The following ERBB4 variants were observed in gnomAD, a reference collection of about 807,000 sequenced individuals.
ERBB4 encodes the protein receptor tyrosine-protein kinase erbB-4.
Under a neutral mutation model 158.0 loss-of-function variants are expected in ERBB4, and 42 were observed. The ratio of observed to expected loss-of-function variants is 0.27; its 90% confidence interval spans 0.21 to 0.34. The LOEUF is 0.34. Among genes scored for constraint, ERBB4 ranks in the 10% least tolerant of loss-of-function variants. The probability of loss-of-function intolerance (pLI) is 1.00; values close to 1 mark genes in which losing one functional copy is unlikely to be tolerated. For synonymous variants in ERBB4, 583 were observed against 558.7 expected (o/e 1.04, Z -0.61); for missense variants, 1,333 against 1,624.1 (o/e 0.82, Z 3.08).
intron 2 of ERBB4, among the ~76,000 whole-genome samples, chr2:211,986,849 T>A (rs1283669734): frequency 6.6e-6 from 1 of 152,160 alleles, no homozygotes. Flanking sequence ...TGACTCTGGG[T>A]GAAGTAAAGT....
At chr2:211,881,425 G>A (rs1162970097) in intron 3 of ERBB4, among the ~76,000 whole-genome samples, 1 of 152,280 alleles carries the variant, frequency 6.6e-6, no homozygotes, top group South Asian at 2.1e-4. Flanking sequence ...AAGCTTGCAC[G>A]GGGGAATGCT....
At chr2:211,716,362 CAAAAAAAAAAAAAAAA>C (rs534486221) in intron 7 of ERBB4, among the ~76,000 whole-genome samples, 899 of 69,314 alleles carry the variant, frequency 0.013, 23 homozygotes, top group African/African-American at 0.072. Context: ...AACTCTGTCT[CAAAAAAAAAAAAAAAA>C]AAAAAAAAAA....
intron 19 of ERBB4, among the ~76,000 whole-genome samples, chr2:211,611,633 A>G (rs1442764653): frequency 2.0e-5 from 3 of 152,184 alleles, no homozygotes; most frequent in Non-Finnish European, 4.4e-5. Context: ...TATTTTTGCC[A>G]AAATCTGTGA....
At chr2:211,410,334 T>C (rs1048655272) in intron 25 of ERBB4, among the ~76,000 whole-genome samples, 2 of 152,184 alleles carry the variant, frequency 1.3e-5, no homozygotes, top group Admixed American at 6.5e-5. Context: ...AGTAAAATCA[T>C]TGTGATTTAC....
intron 1 of ERBB4, among the ~76,000 whole-genome samples, chr2:212,406,977 C>T (rs533487126): frequency 1.1e-4 from 17 of 152,098 alleles, no homozygotes; most frequent in Admixed American, 8.5e-4. Context: ...CTTTCTCCCT[C>T]ACCTCCCAAC....
At position 211,386,963 on chromosome 2, in the gene ERBB4, C is replaced by T. The variant is rs1356804335; in HGVS notation, c.3371G>A (p.Ser1124Asn). ...GGGGTCAGCACTGTACCTCTGGGTG[C>T]TACTGTCCTCTTGGACATGGGGTGC... ...PVAPHVQEDSSTQRYSADPTV... is the reference protein window; with the variant it reads ...PVAPHVQEDSNTQRYSADPTV... Residue 1124 changes from serine (S) to asparagine (N), a missense_variant, in exon 27 of 28, where the codon AGC becomes AAC. By Grantham distance (46) the Ser-to-Asn change is conservative. This residue lies in a region of ERBB4 where 252 missense variants were observed against 241.3 expected (regional missense o/e 1.04). Transcript: ENST00000342788. The T allele has an allele frequency of 6.2e-7, 1 of 1,614,076 alleles. No individual in the cohort carries two copies. The highest frequency in any genetic ancestry group is 8.5e-7 in the Non-Finnish European group (1 of 1,179,972).
At chr2:212,175,282 T>C (rs1324306964) in intron 1 of ERBB4, among the ~76,000 whole-genome samples, 2 of 152,098 alleles carry the variant, frequency 1.3e-5, no homozygotes, top group Non-Finnish European at 2.9e-5. Flanking sequence ...TCACTTCTTT[T>C]AATTCAGACA....
intron 1 of ERBB4, among the ~76,000 whole-genome samples, chr2:212,214,260 C>T (rs2083026796): frequency 1.3e-5 from 2 of 151,658 alleles, no homozygotes; most frequent in South Asian, 2.1e-4. Flanking sequence ...ATAGAGTGAC[C>T]AACAGGCACC....
chr2:211,386,794 G>GT, intron 27 of ERBB4, 59 bp downstream of exon 27: 1 of 1,561,528 alleles, frequency 6.4e-7, no homozygotes, highest in Non-Finnish European at 8.8e-7. Context: ...TCTGTACTTT[G>GT]TTTATCTTGA....
In ERBB4 at chr2:211,773,609, TA is replaced by T. The variant is rs1256677722; in HGVS notation, c.556+14415del. On this transcript the variant is annotated intron_variant, in intron 4 of 27. Transcript: ENST00000342788. Reference sequence around the variant, plus strand: ...ATACTTCTGTAACTTTATATATATATATATATATATATATATATATATATAT... The same window carrying T: ...ATACTTCTGTAACTTTATATATATATTATATATATATATATATATATATAT... Among the ~76,000 whole-genome samples, 8 of 23,862 alleles carry T rather than the reference TA, an allele frequency of 3.4e-4. No individual in the cohort carries two copies. In the African/African-American group the frequency reaches 3.6e-3, roughly 11 times the overall value. The allele number at this position is 23,862 out of a possible 152,430, so 15.7% of individuals were successfully genotyped here.
intron 3 of ERBB4, among the ~76,000 whole-genome samples, chr2:211,878,222 T>C (rs905419978): frequency 2.0e-5 from 3 of 152,214 alleles, no homozygotes; most frequent in Admixed American, 1.3e-4. Context: ...TTAAAACAGT[T>C]CTCATTAGAG....
intron 2 of ERBB4, among the ~76,000 whole-genome samples, chr2:212,040,545 T>A (rs1051842952): frequency 1.3e-5 from 2 of 148,188 alleles, no homozygotes; most frequent in Non-Finnish European, 3.0e-5. Context: ...AATCTAGCCC[T>A]TTTTTGTTAA....
intron 1 of ERBB4, among the ~76,000 whole-genome samples, chr2:212,483,586 G>C (rs1319126536): frequency 6.6e-6 from 1 of 152,126 alleles, no homozygotes; most frequent in Non-Finnish European, 1.5e-5. Context: ...TATCTATATA[G>C]TTCAGAAACT....
rs188888827 is a variant in ERBB4, at chr2:211,524,327, C to T, written c.2487+37576G>A. Among the ~76,000 whole-genome samples the T allele has an allele frequency of 7.2e-5, 11 of 152,282 alleles. No homozygotes were observed. In the East Asian group the frequency reaches 1.9e-3, roughly 27 times the overall value. On this transcript the variant is annotated intron_variant, in intron 20 of 27. Transcript: ENST00000342788. ...CCAGCTGGCTTCACCCAGTGGATCC[C>T]TCACGGGGGCTGCAGGTGGAGCTGC...
chr2:212,218,623 T>C (rs11883744), intron 1 of ERBB4, among the ~76,000 whole-genome samples: 11,385 of 151,308 alleles, frequency 0.075, 1,254 homozygotes, highest in African/African-American at 0.25. Context: ...AATCCAGAGA[T>C]TGCCATTCCA....
intron 1 of ERBB4, among the ~76,000 whole-genome samples, chr2:212,126,875 A>C (rs552336893): frequency 6.6e-6 from 1 of 152,310 alleles, no homozygotes; most frequent in African/African-American, 2.4e-5. Flanking sequence ...ACCACCTTAA[A>C]GCCTGTTTTT....
chr2:212,149,648 C>T (rs1329359059), intron 1 of ERBB4, among the ~76,000 whole-genome samples: 3 of 152,110 alleles, frequency 2.0e-5, no homozygotes, highest in Non-Finnish European at 4.4e-5. Flanking sequence ...TGTACATATG[C>T]ATACATACAA....
In ERBB4 at chr2:211,673,517, C is replaced by CAAAA. The variant is rs71054125; in HGVS notation, c.1623-264_1623-261dup. Reference sequence around the variant, plus strand: ...CCTGCAAGACATATTCCAGCAATCTCAAAAAAAAAAAAAGCTACAAAGTAT... The same window carrying CAAAA: ...CCTGCAAGACATATTCCAGCAATCTCAAAAAAAAAAAAAAAAAGCTACAAAGTAT... On this transcript the variant is annotated intron_variant, in intron 13 of 27. Transcript: ENST00000342788. Among the ~76,000 whole-genome samples the CAAAA allele has an allele frequency of 5.5e-5, 3 of 54,088 alleles. 1 individual carries two copies. The highest frequency in any genetic ancestry group is 1.2e-4 in the Non-Finnish European group (3 of 24,426). The allele number at this position is 54,088 out of a possible 152,430, so 35.5% of individuals were successfully genotyped here.
intron 15 of ERBB4, among the ~76,000 whole-genome samples, chr2:211,664,792 A>G (rs561276783): frequency 6.6e-6 from 1 of 152,318 alleles, no homozygotes; most frequent in East Asian, 1.9e-4. Context: ...CTTTCACAAA[A>G]TGTACTCATT....
Sources: allele counts gnomAD v4.1 joint callset (sites outside exome capture counted in the v4.1 genomes callset), GRCh38; gene constraint gnomAD v4.1.1; regional missense constraint gnomAD v4.1.1; transcripts MANE v1.5; gene names NCBI Gene and HGNC (gene_info 2026-07-23, HGNC 2026-07-21).